The following GPR160 variants were observed in gnomAD, a reference collection of about 807,000 sequenced individuals.
GPR160 encodes the protein G protein-coupled receptor 160.
In GPR160, 2 loss-of-function variants were observed where a neutral mutation model predicts 2.6. That is an observed-to-expected ratio of 0.77 (90% CI 0.32 to 2.44). The LOEUF (loss-of-function observed/expected upper bound fraction) is 2.44. GPR160 is among the 30% of genes most tolerant of loss of function. The pLI is 0.11. For missense variants in GPR160, 351 were observed against 383.6 expected, an observed-to-expected ratio of 0.91 and a Z score of 0.71; for synonymous variants, 130 against 132.2, an observed-to-expected ratio of 0.98 and a Z score of 0.12.
At chr3:170,076,828 G>C (rs535115437) in intron 2 of GPR160, among the ~76,000 whole-genome samples, 23 of 151,356 alleles carry the variant, frequency 1.5e-4, no homozygotes, top group Non-Finnish European at 3.1e-4. Flanking sequence ...ACAGGCATGA[G>C]CCACCACATG....
Position 170,084,712 on chromosome 3 carries a change from GT to G in GPR160, c.744del (p.Leu249SerfsTer12). The part of the protein sequence containing the change: ...KKIFLSKLIV[C>X]FLSTWLPFVL... ...ATATTCTTATCCAAGCTCATTGTCTGTTTTCTCAGTACCTGGTTACCATTTG... is the reference window on the plus strand; with the variant it reads ...ATATTCTTATCCAAGCTCATTGTCTGTTTCTCAGTACCTGGTTACCATTTG... On this transcript the variant is annotated frameshift_variant, in exon 4 of 4. Coordinates refer to ENST00000355897, the MANE Select transcript of GPR160 (RefSeq NM_014373.3). LOFTEE classifies it high-confidence loss of function. The G allele has an allele frequency of 6.2e-7, 1 of 1,612,512 alleles. No homozygotes were observed. The highest frequency in any genetic ancestry group is 8.5e-7 in the Non-Finnish European group (1 of 1,178,986).
At chr3:170,062,262 TC>T (rs1666746319) in intron 2 of GPR160, 1 of 195,266 alleles carries the variant, frequency 5.1e-6, no homozygotes, top group African/African-American at 2.4e-5. Flanking sequence ...GATGTCCAAG[TC>T]CCGTGCGGCG....
At position 170,085,031 on chromosome 3, in the gene GPR160, T is replaced by A. The variant is rs1301742619; in HGVS notation, c.*42T>A. Reference sequence around the variant, plus strand: ...TTACAGCTGTCATAAGATCATAATTTTATGAACAGAAAGAACTCAGGACAT... The same window carrying A: ...TTACAGCTGTCATAAGATCATAATTATATGAACAGAAAGAACTCAGGACAT... On this transcript the variant is annotated 3_prime_UTR_variant, in exon 4 of 4. Coordinates refer to ENST00000355897, the MANE Select transcript of GPR160 (RefSeq NM_014373.3). 1 of 1,115,450 alleles carries A rather than the reference T, an allele frequency of 9.0e-7. No individual in the cohort carries two copies. Among genetic ancestry groups the A allele is most frequent in the African/African-American group, 1.6e-5 (1 of 62,086 alleles). 69.1% of individuals were successfully genotyped at this position (1,115,450 alleles called of 1,614,324 possible). A position where few individuals can be genotyped will look rare whatever the true frequency, so the allele number is the denominator to read the frequency against.
chr3:170,068,341 G>T (rs1712443456), intron 2 of GPR160, among the ~76,000 whole-genome samples: 1 of 152,058 alleles, frequency 6.6e-6, no homozygotes, highest in East Asian at 1.9e-4. Flanking sequence ...TTTTAGTAGA[G>T]ATTGGGTTTT....
In GPR160 at chr3:170,081,581, ATTTATT is replaced by A. The variant is rs529039698; in HGVS notation, c.-69+1693_-69+1698del. Among the ~76,000 whole-genome samples the A allele has an allele frequency of 1.7e-4, 26 of 152,198 alleles. No homozygotes were observed. In the South Asian group the frequency reaches 5.2e-3, roughly 30 times the overall value. ...AAACTGATAGCCCTCTCTCACAGTG[ATTTATT>A]TTTATTTTAGGTTCAGGGGTACATG... is the stretch of plus-strand genomic sequence containing the variant. On this transcript the variant is annotated intron_variant, in intron 3 of 3. Coordinates refer to ENST00000355897, the MANE Select transcript of GPR160 (RefSeq NM_014373.3).
intron 2 of GPR160, among the ~76,000 whole-genome samples, chr3:170,047,040 G>GCAGA (rs1483508928): frequency 6.6e-6 from 1 of 152,178 alleles, no homozygotes; most frequent in Non-Finnish European, 1.5e-5. Flanking sequence ...AAGCAGCAGG[G>GCAGA]CAGAGGTCTC....
intron 2 of GPR160, among the ~76,000 whole-genome samples, chr3:170,059,308 C>T (rs956266076): frequency 6.6e-6 from 1 of 152,020 alleles, no homozygotes; most frequent in Non-Finnish European, 1.5e-5. Flanking sequence ...AATCAAAACA[C>T]TATATCAAAT....
intron 2 of GPR160, among the ~76,000 whole-genome samples, chr3:170,067,242 C>T (rs776702933): frequency 1.3e-4 from 20 of 152,092 alleles, no homozygotes; most frequent in East Asian, 5.8e-4. Flanking sequence ...TGGACTCAAA[C>T]GATCCTTCTG....
At chr3:170,041,212 T>C (rs973033484) in intron 2 of GPR160, among the ~76,000 whole-genome samples, 8 of 152,092 alleles carry the variant, frequency 5.3e-5, no homozygotes, top group Non-Finnish European at 4.4e-5. Flanking sequence ...AGATGAGATC[T>C]GGGACAGTTA....
chr3:170,052,499 T>C (rs531929763), intron 2 of GPR160, among the ~76,000 whole-genome samples: 95 of 152,376 alleles, frequency 6.2e-4, no homozygotes, highest in Non-Finnish European at 7.8e-4. Context: ...AGTACCTTTT[T>C]GTTTGCTATT....
At chr3:170,048,015 G>A (rs868452355) in intron 2 of GPR160, among the ~76,000 whole-genome samples, 2 of 151,928 alleles carry the variant, frequency 1.3e-5, no homozygotes, top group African/African-American at 2.4e-5. Flanking sequence ...TTTTTGTAGC[G>A]ACAGGGTTTC....
At chr3:170,076,848 T>TA (rs1272764234) in intron 2 of GPR160, among the ~76,000 whole-genome samples, 2 of 151,364 alleles carry the variant, frequency 1.3e-5, no homozygotes, top group Non-Finnish European at 2.9e-5. Flanking sequence ...GTTGGTTTTT[T>TA]AGAAAGCTCT....
chr3:170,058,579 A>G (rs757044097), intron 2 of GPR160, among the ~76,000 whole-genome samples: 1 of 152,258 alleles, frequency 6.6e-6, no homozygotes, highest in Admixed American at 6.5e-5. Context: ...TTAGAATTCA[A>G]TACTAGTTAA....
At chr3:170,063,713 G>T (rs979870183) in intron 2 of GPR160, among the ~76,000 whole-genome samples, 1 of 152,184 alleles carries the variant, frequency 6.6e-6, no homozygotes, top group Non-Finnish European at 1.5e-5. Flanking sequence ...TGGACGGGAT[G>T]GCTCCAAGCT....
At chr3:170,074,209 T>G (rs1449143185) in intron 2 of GPR160, among the ~76,000 whole-genome samples, 2 of 152,026 alleles carry the variant, frequency 1.3e-5, no homozygotes, top group African/African-American at 4.8e-5. Context: ...ATAGAGCTAT[T>G]TAGGGATCTT....
chr3:170,052,187 A>G (rs1716986392), intron 2 of GPR160, among the ~76,000 whole-genome samples: 1 of 146,150 alleles, frequency 6.8e-6, no homozygotes, highest in Non-Finnish European at 1.5e-5. Context: ...TGGCCTTCCA[A>G]AGTACTGGGA....
chr3:170,078,905 A>G (rs967425819), intron 2 of GPR160, among the ~76,000 whole-genome samples: 1 of 152,128 alleles, frequency 6.6e-6, no homozygotes, highest in Non-Finnish European at 1.5e-5. Flanking sequence ...AAGGCTCTAC[A>G]TAGCTTCCGG....
At chr3:170,064,514 CTT>C (rs1175382810) in intron 2 of GPR160, among the ~76,000 whole-genome samples, 170 of 81,014 alleles carry the variant, frequency 2.1e-3, no homozygotes, top group African/African-American at 6.4e-3. Context: ...CTTTTCTTTT[CTT>C]TTTTTTTTTT....
chr3:170,064,802 A>G (rs1389159993), intron 2 of GPR160, among the ~76,000 whole-genome samples: 1 of 151,854 alleles, frequency 6.6e-6, no homozygotes, highest in East Asian at 1.9e-4. Context: ...ACAGGCGTGA[A>G]CCACCGCACC....
Sources: allele counts gnomAD v4.1 joint callset (sites outside exome capture counted in the v4.1 genomes callset), GRCh38; gene constraint gnomAD v4.1.1; transcripts MANE v1.5; gene names NCBI Gene and HGNC (gene_info 2026-07-23, HGNC 2026-07-21).